Variants in SNTG1 observed in about 807,000 individuals in gnomAD.
SNTG1 encodes syntrophin gamma 1.
Under a neutral mutation model 74.7 loss-of-function variants are expected in SNTG1, and 39 were observed. That is an observed-to-expected ratio of 0.52 (90% CI 0.40 to 0.68). The LOEUF is 0.68. Among genes scored for constraint, SNTG1 ranks in the 30% least tolerant of loss-of-function variants. The probability of loss-of-function intolerance (pLI) is 0.00; values close to 1 mark genes in which losing one functional copy is unlikely to be tolerated. For missense variants in SNTG1, 685 were observed against 609.5 expected, an observed-to-expected ratio of 1.12 and a Z score of -1.30; for synonymous variants, 254 against 217.1, an observed-to-expected ratio of 1.17 and a Z score of -1.49.
chr8:50,779,624 A>G (rs918578112), intron 18 of SNTG1, among the ~76,000 whole-genome samples: 6 of 152,000 alleles, frequency 3.9e-5, no homozygotes, highest in African/African-American at 1.2e-4. Context: ...GGGGTTTTCT[A>G]GATATACAAT....
chr8:49,933,381 C>T (rs1007139071), intron 1 of SNTG1, among the ~76,000 whole-genome samples: 1 of 152,144 alleles, frequency 6.6e-6, no homozygotes, highest in Non-Finnish European at 1.5e-5. Flanking sequence ...TTTGGTGTCA[C>T]ATCTAAGAAA....
chr8:50,658,750 C>A (rs962059968), intron 15 of SNTG1, 87 bp downstream of exon 15: 14 of 805,560 alleles, frequency 1.7e-5, no homozygotes, highest in Non-Finnish European at 2.4e-5. Context: ...GAAAACAAAT[C>A]ATTCATGGAA....
At position 50,656,927 on chromosome 8, in the gene SNTG1, T is replaced by C. The variant is rs751484816; in HGVS notation, c.868T>C (p.Cys290Arg). The change falls in exon 14 of 19, where the codon TGT becomes CGT. Residue 290 changes from cysteine (C) to arginine (R), a missense_variant. Physicochemically the swap from Cys to Arg is radical, Grantham distance 180. Transcript: ENST00000642720. Reference protein sequence around the residue: ...VNQQIVYMGWCEAREQDPLQD... With the variant: ...VNQQIVYMGWREAREQDPLQD... ...CTTGCAGATTGTCTACATGGGCTGGTGTGAAGCCCGGGAGCAAGACCCCCT... is the reference window on the plus strand; with the variant it reads ...CTTGCAGATTGTCTACATGGGCTGGCGTGAAGCCCGGGAGCAAGACCCCCT... 1 of 1,604,720 alleles carries C rather than the reference T, an allele frequency of 6.2e-7. No individual in the cohort carries two copies. The highest frequency in any genetic ancestry group is 8.5e-7 in the Non-Finnish European group (1 of 1,175,020).
At chr8:50,479,409 CAG>C (rs1416334198) in intron 8 of SNTG1, among the ~76,000 whole-genome samples, 2 of 152,084 alleles carry the variant, frequency 1.3e-5, no homozygotes, top group Admixed American at 1.3e-4. Context: ...AGTGTGTTAA[CAG>C]AAAAATGCTT....
At chr8:50,320,355 T>C (rs960369855) in intron 2 of SNTG1, among the ~76,000 whole-genome samples, 1 of 152,176 alleles carries the variant, frequency 6.6e-6, no homozygotes, top group Non-Finnish European at 1.5e-5. Context: ...TCAATTGTAA[T>C]GTTTCATTTT....
At chr8:49,949,452 C>G (rs927650491) in intron 1 of SNTG1, among the ~76,000 whole-genome samples, 4 of 151,336 alleles carry the variant, frequency 2.6e-5, no homozygotes, top group Admixed American at 6.6e-5. Flanking sequence ...TCTTTTTTTT[C>G]TTATAGACAT....
rs1350537474 is a variant in SNTG1, at chr8:50,394,157, T to C, written c.-27-55T>C. ...ACGATTTCCTCCACTATATTAGTGT[T>C]CTCTCTTACATGCCATGCTGTGCCT... On this transcript the variant is annotated intron_variant, in intron 2 of 18. Coordinates refer to ENST00000642720, the MANE Select transcript of SNTG1 (RefSeq NM_018967.5). 7 of 1,409,562 alleles carry C rather than the reference T, an allele frequency of 5.0e-6. No homozygotes were observed. In the African/African-American group the frequency reaches 5.7e-5, roughly 12 times the overall value. The allele number at this position is 1,409,562 out of a possible 1,614,324, so 87.3% of individuals were successfully genotyped here. A position where few individuals can be genotyped will look rare whatever the true frequency, so the allele number is the denominator to read the frequency against.
At chr8:50,550,693 G>GTGTATATATATATATATATATATA (rs1554571332) in intron 11 of SNTG1, among the ~76,000 whole-genome samples, 1 of 149,028 alleles carries the variant, frequency 6.7e-6, no homozygotes, top group African/African-American at 2.5e-5. Context: ...TAGTGTGTGT[G>GTGTATATATATATATATATATATA]TATATATATA....
At chr8:50,106,466 G>A (rs370836914) in intron 1 of SNTG1, among the ~76,000 whole-genome samples, 2 of 152,196 alleles carry the variant, frequency 1.3e-5, no homozygotes, top group Non-Finnish European at 2.9e-5. Flanking sequence ...GAATAGTGAG[G>A]GTTGGCCATC....
At chr8:50,175,162 G>T (rs183492429) in intron 2 of SNTG1, among the ~76,000 whole-genome samples, 4 of 151,926 alleles carry the variant, frequency 2.6e-5, no homozygotes, top group African/African-American at 9.7e-5. Flanking sequence ...GAATAGTGCC[G>T]CAATAAACAT....
intron 1 of SNTG1, among the ~76,000 whole-genome samples, chr8:49,935,619 G>C (rs1006623189): frequency 6.6e-6 from 1 of 151,642 alleles, no homozygotes; most frequent in Non-Finnish European, 1.5e-5. Context: ...CCCTGGTTAA[G>C]ACAGACAGGA....
At chr8:50,568,397 T>A (rs1403840580) in intron 12 of SNTG1, among the ~76,000 whole-genome samples, 1 of 152,110 alleles carries the variant, frequency 6.6e-6, no homozygotes, top group East Asian at 1.9e-4. Flanking sequence ...AGTTCTGTTT[T>A]TACTTTTTGA....
At chr8:50,623,098 C>T (rs569001430) in intron 13 of SNTG1, among the ~76,000 whole-genome samples, 8 of 152,122 alleles carry the variant, frequency 5.3e-5, no homozygotes, top group African/African-American at 1.4e-4. Context: ...GGATTTTGTA[C>T]ATGTAAGATC....
At chr8:50,479,711 C>T (rs1314668344) in intron 8 of SNTG1, among the ~76,000 whole-genome samples, 2 of 152,040 alleles carry the variant, frequency 1.3e-5, no homozygotes, top group Non-Finnish European at 2.9e-5. Flanking sequence ...CTGTGCCTTC[C>T]TCCTCTTCAG....
intron 13 of SNTG1, among the ~76,000 whole-genome samples, chr8:50,630,350 G>T (rs1312850209): frequency 6.6e-6 from 1 of 152,134 alleles, no homozygotes; most frequent in East Asian, 1.9e-4. Context: ...CATATGCCTT[G>T]AGCTCTTAAA....
rs193107184 is a variant in SNTG1 at position 50,228,446 on chromosome 8, C to A, written c.-28+55811C>A. ...TCCAAAATGAACAATCAATGCCAAACAAAATACTAAAATTACCTATCTATT... is the reference window on the plus strand; with the variant it reads ...TCCAAAATGAACAATCAATGCCAAAAAAAATACTAAAATTACCTATCTATT... On this transcript the variant is annotated intron_variant, in intron 2 of 18. Coordinates refer to ENST00000642720, the MANE Select transcript of SNTG1 (RefSeq NM_018967.5). Among the ~76,000 whole-genome samples, 275 of 151,826 alleles carry A rather than the reference C, an allele frequency of 1.8e-3. 2 individuals are homozygous for A. The highest frequency in any genetic ancestry group is 6.2e-3 in the African/African-American group (257 of 41,478).
intron 1 of SNTG1, among the ~76,000 whole-genome samples, chr8:50,167,022 A>T (rs2082638522): frequency 7.0e-6 from 1 of 142,976 alleles, no homozygotes; most frequent in African/African-American, 2.8e-5. Flanking sequence ...TATCGCAAGA[A>T]CAAAAAACCA....
At chr8:50,645,024 A>G (rs890630702) in intron 13 of SNTG1, among the ~76,000 whole-genome samples, 9 of 151,666 alleles carry the variant, frequency 5.9e-5, no homozygotes, top group Non-Finnish European at 1.3e-4. Flanking sequence ...CCACAGTGCT[A>G]TAATTAAAGG....
chr8:50,501,425 G>GTTTTT lies in SNTG1; in HGVS notation c.364-1328_364-1324dup, dbSNP rs59123896. On this transcript the variant is annotated intron_variant, in intron 8 of 18. Coordinates refer to ENST00000642720, the MANE Select transcript of SNTG1 (RefSeq NM_018967.5). ...GGAGCAGAGAGAGATGAGCCTGTGCGTTTTTTTTTTTTTTTTTTTTTTTTT... is the reference window on the plus strand; with the variant it reads ...GGAGCAGAGAGAGATGAGCCTGTGCGTTTTTTTTTTTTTTTTTTTTTTTTTTTTTT... 1.1e-4 allele frequency among the ~76,000 whole-genome samples: 6 copies of GTTTTT among 57,098 alleles called. 1 individual carries two copies. The highest frequency in any genetic ancestry group is 4.9e-4 in the African/African-American group (5 of 10,230). The allele number at this position is 57,098 out of a possible 152,430, so 37.5% of individuals were successfully genotyped here.
Sources: allele counts gnomAD v4.1 joint callset (sites outside exome capture counted in the v4.1 genomes callset), GRCh38; gene constraint gnomAD v4.1.1; transcripts MANE v1.5; gene names NCBI Gene and HGNC (gene_info 2026-07-23, HGNC 2026-07-21).